The following TRIM2 variants were observed in gnomAD, a reference collection of about 807,000 sequenced individuals.
TRIM2 encodes tripartite motif-containing protein 2.
A neutral mutation model predicts 75.2 loss-of-function variants in TRIM2; 20 were observed. The observed-to-expected ratio is 0.27, with a 90% CI of 0.19 to 0.39. The LOEUF (loss-of-function observed/expected upper bound fraction) is 0.39, where lower values mean the gene tolerates loss of function less well. Ranked by LOEUF, TRIM2 falls within the 10% of genes least tolerant of loss-of-function variation. The pLI is 1.00. For synonymous variants in TRIM2, 373 were observed against 388.3 expected (o/e 0.96, Z 0.46); for missense variants, 660 against 990.8 (o/e 0.67, Z 4.48).
At chr4:153,189,743 C>G (rs1732994409) in intron 1 of TRIM2, among the ~76,000 whole-genome samples, 1 of 152,316 alleles carries the variant, frequency 6.6e-6, no homozygotes, top group African/African-American at 2.4e-5. Context: ...AACACTGTAG[C>G]CACCTGCGGT....
upstream of TRIM2, among the ~76,000 whole-genome samples, chr4:153,203,166 C>T (rs1004574988): frequency 6.6e-6 from 1 of 150,742 alleles, no homozygotes; most frequent in African/African-American, 2.4e-5. Flanking sequence ...AAAGAAGCCA[C>T]GGCTCTCCTG....
intron 10 of TRIM2, among the ~76,000 whole-genome samples, chr4:153,327,176 T>C (rs1770429270): frequency 6.6e-6 from 1 of 152,188 alleles, no homozygotes; most frequent in African/African-American, 2.4e-5. Flanking sequence ...TAGTAAAAGC[T>C]GGTTGTTCTT....
At chr4:153,280,826 A>C (rs1215831518) in intron 3 of TRIM2, among the ~76,000 whole-genome samples, 1 of 152,124 alleles carries the variant, frequency 6.6e-6, no homozygotes, top group Non-Finnish European at 1.5e-5. Flanking sequence ...CTGGGACTAC[A>C]GATGCCCGCC....
At chr4:153,232,570 G>A (rs1370290159) in intron 1 of TRIM2, among the ~76,000 whole-genome samples, 1 of 152,038 alleles carries the variant, frequency 6.6e-6, no homozygotes, top group Non-Finnish European at 1.5e-5. Flanking sequence ...GAGAGGCAAA[G>A]AGGTGTTTTA....
intron 1 of TRIM2, among the ~76,000 whole-genome samples, chr4:153,194,044 T>C (rs567749557): frequency 6.6e-6 from 1 of 152,254 alleles, no homozygotes; most frequent in East Asian, 1.9e-4. Flanking sequence ...CCAGGGACCC[T>C]TCACTACGGC....
At chr4:153,188,305 C>T (rs1732824435) in intron 1 of TRIM2, among the ~76,000 whole-genome samples, 1 of 152,110 alleles carries the variant, frequency 6.6e-6, no homozygotes, top group Non-Finnish European at 1.5e-5. Context: ...ACAAAAAATA[C>T]AGAAGTTAGT....
chr4:153,299,859 C>T (rs1051377467), intron 6 of TRIM2, among the ~76,000 whole-genome samples: 5 of 152,146 alleles, frequency 3.3e-5, no homozygotes, highest in Admixed American at 6.5e-5. Flanking sequence ...AATAGCCAGT[C>T]GGAATTAGCT....
At chr4:153,314,618 G>A (rs1259382978) in intron 6 of TRIM2, among the ~76,000 whole-genome samples, 6 of 151,166 alleles carry the variant, frequency 4.0e-5, no homozygotes, top group Non-Finnish European at 8.8e-5. Flanking sequence ...AATCTAGTAT[G>A]GGTGGAAATA....
At position 153,177,707 on chromosome 4, in the gene TRIM2, C is replaced by CTTCCTTCCTTCCT. The variant is rs555687002; in HGVS notation, c.-49+24438_-49+24439insTCCTTCCTTCCTT. 4.4e-3 allele frequency among the ~76,000 whole-genome samples: 591 copies of CTTCCTTCCTTCCT among 133,966 alleles called. 7 individuals are homozygous for CTTCCTTCCTTCCT. The highest frequency in any genetic ancestry group is 0.016 in the African/African-American group (564 of 35,374). 87.9% of individuals were successfully genotyped at this position (133,966 alleles called of 152,430 possible). ...GAAAGGGAGAATGGATGGTGGCTCG[C>CTTCCTTCCTTCCT]TCCTTCCTTCCTTCCTTCCTTCCTT... On this transcript the variant is annotated intron_variant, in intron 1 of 11. Coordinates refer to the TRIM2 transcript ENST00000437508.
At chr4:153,155,258 A>G (rs1404384864) in intron 1 of TRIM2, among the ~76,000 whole-genome samples, 1 of 152,264 alleles carries the variant, frequency 6.6e-6, no homozygotes, top group East Asian at 1.9e-4. Context: ...ATGATTAAGT[A>G]GAAGTGTTGT....
At position 153,169,091 on chromosome 4, in the gene TRIM2, T is replaced by C. The variant is rs555384657; in HGVS notation, c.-49+15821T>C. On this transcript the variant is annotated intron_variant, in intron 1 of 11. Coordinates refer to the TRIM2 transcript ENST00000437508. ...GAGACTTATCTCAAAAAAAAAAGTC[T>C]TTAAAATACATTCTCATAGTGTTGA... Among the ~76,000 whole-genome samples the C allele has an allele frequency of 1.1e-4, 16 of 152,302 alleles. 1 individual carries two copies. In the South Asian group the frequency reaches 3.1e-3, roughly 30 times the overall value.
chr4:153,260,716 A>T (rs1248012925), intron 1 of TRIM2, among the ~76,000 whole-genome samples: 1 of 75,336 alleles, frequency 1.3e-5, no homozygotes, highest in Non-Finnish European at 2.6e-5. Context: ...ACACACACAC[A>T]CACACACACA....
intron 1 of TRIM2, among the ~76,000 whole-genome samples, chr4:153,240,645 T>G (rs4696446): frequency 0.29 from 44,813 of 152,138 alleles, 9,472 homozygotes; most frequent in African/African-American, 0.6. Context: ...AAGCAAGAGT[T>G]AACTACAGAA....
At chr4:153,225,654 A>C (rs1314540708) in intron 1 of TRIM2, among the ~76,000 whole-genome samples, 1 of 152,178 alleles carries the variant, frequency 6.6e-6, no homozygotes, top group Non-Finnish European at 1.5e-5. Flanking sequence ...GGCAAGTGCA[A>C]CCTTTGAGAT....
chr4:153,328,819 C>A, intron 11 of TRIM2, 149 bp downstream of exon 11: 1 of 857,868 alleles, frequency 1.2e-6, no homozygotes, highest in Non-Finnish European at 1.6e-6. Context: ...CCAAACTCAG[C>A]AAGATGGAGT....
In TRIM2 at chr4:153,324,113, A is replaced by G. The variant is rs368668937; in HGVS notation, c.1987A>G (p.Ile663Val). Residue 663 changes from isoleucine to valine, a missense_variant, in exon 10 of 12, where the codon ATT (isoleucine) becomes GTT (valine). By Grantham distance (29) the Ile-to-Val change is conservative (BLOSUM62 3). Around this residue, in one of 2 missense-constraint regions of TRIM2, gnomAD observed 620 missense variants for 891.0 expected, o/e 0.70. Transcript: ENST00000338700. ...TGCAGCTGTAAATAGCAATAATGAGATTATTATTACAGATTTCCATAATCA... is the reference window on the plus strand; with the variant it reads ...TGCAGCTGTAAATAGCAATAATGAGGTTATTATTACAGATTTCCATAATCA... ...HFAAVNSNNEIIITDFHNHSV... is the reference protein window; with the variant it reads ...HFAAVNSNNEVIITDFHNHSV... 6.2e-7 allele frequency: 1 copy of G among 1,612,630 alleles called. No individual in the cohort carries two copies. The highest frequency in any genetic ancestry group is 1.3e-5 in the African/African-American group (1 of 75,002).
intron 1 of TRIM2, chr4:153,222,151 T>C (rs1488281759): frequency 4.7e-5 from 7 of 149,584 alleles, no homozygotes; most frequent in African/African-American, 1.7e-4. Flanking sequence ...TCATGACTTA[T>C]CATTTGCAGG....
chr4:153,273,270 C>CATTTTTTTTT (rs1757187818), intron 2 of TRIM2, among the ~76,000 whole-genome samples: 4 of 57,388 alleles, frequency 7.0e-5, no homozygotes, highest in African/African-American at 2.8e-4. Flanking sequence ...TACAGTCACT[C>CATTTTTTTTT]TTTTTTTTTT....
chr4:153,268,702 A>C (rs1755904709), intron 1 of TRIM2, among the ~76,000 whole-genome samples: 1 of 152,144 alleles, frequency 6.6e-6, no homozygotes, highest in Non-Finnish European at 1.5e-5. Context: ...AAGGTGGTAA[A>C]AGGAGCTGTG....
Sources: gnomAD v4.1 joint callset for allele counts (sites outside exome capture counted in the v4.1 genomes callset) on GRCh38, gnomAD v4.1.1 for gene constraint, gnomAD v4.1.1 regional missense constraint, MANE v1.5 for transcripts, NCBI Gene and HGNC (gene_info 2026-07-23, HGNC 2026-07-21) for gene names.